Variants in HIRA observed in about 807,000 individuals in gnomAD.
The protein encoded by HIRA is protein HIRA.
In HIRA, 13 loss-of-function variants were observed where a neutral mutation model predicts 126.6. The observed-to-expected ratio is 0.10, with a 90% CI of 0.07 to 0.16. The LOEUF (loss-of-function observed/expected upper bound fraction) is 0.16, where lower values mean the gene tolerates loss of function less well. Among genes scored for constraint, HIRA ranks in the 10% least tolerant of loss-of-function variants. The pLI is 1.00. For missense variants in HIRA, 834 were observed against 1,314.4 expected, an observed-to-expected ratio of 0.63 and a Z score of 5.65; for synonymous variants, 511 against 520.0, an observed-to-expected ratio of 0.98 and a Z score of 0.24.
rs774645216 is a variant in HIRA, at chr22:19,385,688, C to T, written c.1162G>A (p.Glu388Lys). The T allele has an allele frequency of 3.1e-6, 5 of 1,614,012 alleles. No homozygotes were observed. Among genetic ancestry groups the T allele is most frequent in the Non-Finnish European group, 2.5e-6 (3 of 1,180,016 alleles). The stretch of plus-strand genomic sequence containing the variant: ...ATGACGGCTGTGGAGAGCTGGGCCT[C>T]GGTCATGATGGCTAGGCTCTTGCCA... ...TYGKSLAIMT[E>K]AQLSTAVIEN... Residue 388 changes from glutamate to lysine, a missense_variant, in exon 12 of 25, where the codon GAG becomes AAG. This residue lies in a region of HIRA where 153 missense variants were observed against 270.6 expected (regional missense o/e 0.57). Coordinates refer to ENST00000263208, the MANE Select transcript of HIRA (RefSeq NM_003325.4).
At chr22:19,417,163 G>T (rs1295532634) in intron 1 of HIRA, among the ~76,000 whole-genome samples, 1 of 152,078 alleles carries the variant, frequency 6.6e-6, no homozygotes, top group African/African-American at 2.4e-5. Flanking sequence ...TCGTGCCATT[G>T]CACTCCAGCC....
chr22:19,376,836 A>G (rs1313878000), intron 14 of HIRA, among the ~76,000 whole-genome samples: 4 of 152,204 alleles, frequency 2.6e-5, no homozygotes, highest in African/African-American at 9.6e-5. Context: ...CTGCAGTAAC[A>G]CAAGACTCCA....
chr22:19,420,443 G>A (rs1393756758), intron 1 of HIRA, among the ~76,000 whole-genome samples: 3 of 66,096 alleles, frequency 4.5e-5, no homozygotes, highest in Non-Finnish European at 7.2e-5. Context: ...TGCAGCCTGG[G>A]CAACAAAAAA....
chr22:19,403,024 G>A (rs983948234), intron 5 of HIRA, among the ~76,000 whole-genome samples: 5 of 148,576 alleles, frequency 3.4e-5, no homozygotes, highest in Admixed American at 2.7e-4. Flanking sequence ...GATCACCTGA[G>A]CCCAGGAGTT....
At chr22:19,428,123 G>A (rs968626932) in intron 1 of HIRA, among the ~76,000 whole-genome samples, 5 of 152,166 alleles carry the variant, frequency 3.3e-5, no homozygotes, top group African/African-American at 1.2e-4. Context: ...AGAGTTATAA[G>A]TCCAAGAATT....
At position 19,361,760 on chromosome 22, in the gene HIRA, G is replaced by A; in HGVS notation, c.1947C>T (p.Asp649=). Residue 649 remains aspartate (D), a synonymous_variant, in exon 16 of 25, where the codon GAC becomes GAT. Transcript: ENST00000263208. ...EKKKKGRPRK[D]SRLMPVSLSV... Reference sequence around the variant, plus strand: ...ACAGAGACACAGGCATGAGACGAGAGTCCTTCCGAGGCCGCCCTTTCTTCT... The same window carrying A: ...ACAGAGACACAGGCATGAGACGAGAATCCTTCCGAGGCCGCCCTTTCTTCT... 1.2e-6 allele frequency: 2 copies of A among 1,612,902 alleles called. No homozygotes were observed. The highest frequency in any genetic ancestry group is 1.7e-6 in the Non-Finnish European group (2 of 1,180,052).
intron 4 of HIRA, 49 bp downstream of exon 4, chr22:19,407,135 C>G (rs1296086560): frequency 2.0e-6 from 3 of 1,467,954 alleles, no homozygotes; most frequent in Non-Finnish European, 2.9e-6. Context: ...TAAAGACCAG[C>G]AAAGCAGCTT....
At chr22:19,417,735 TG>T (rs201221514) in intron 1 of HIRA, among the ~76,000 whole-genome samples, 2,862 of 152,336 alleles carry the variant, frequency 0.019, 48 homozygotes, top group Non-Finnish European at 0.031. Flanking sequence ...CCATATGACC[TG>T]GCAATTATAC....
intron 1 of HIRA, among the ~76,000 whole-genome samples, chr22:19,429,486 G>A (rs1014525147): frequency 6.6e-6 from 1 of 152,060 alleles, no homozygotes; most frequent in Admixed American, 6.6e-5. Context: ...TTAACAGTTT[G>A]GGGAGCATTT....
At chr22:19,387,472 G>A (rs1445022282) in intron 11 of HIRA, among the ~76,000 whole-genome samples, 1 of 152,188 alleles carries the variant, frequency 6.6e-6, no homozygotes, top group African/African-American at 2.4e-5. Flanking sequence ...CTCAAAAAGA[G>A]ATGCCTAAAA....
Position 19,398,004 on chromosome 22 carries a change from C to T in HIRA, c.481G>A (p.Val161Ile), listed in dbSNP as rs1601844259. 1.2e-6 allele frequency: 2 copies of T among 1,613,824 alleles called. No individual in the cohort carries two copies. Among genetic ancestry groups the T allele is most frequent in the Non-Finnish European group, 1.7e-6 (2 of 1,179,846 alleles). ...VDNTVVIWNA[V>I]KFPEILATLR... ...GGAGGCCCCAGACCTGGGAACTTTA[C>T]AGCATTCCAGATGACGACAGTGTTA... Residue 161 changes from valine to isoleucine, a missense_variant, in exon 6 of 25, where the codon GTA becomes ATA. Physicochemically the swap from Val to Ile is conservative, Grantham distance 29. Transcript: ENST00000263208.
In HIRA at chr22:19,405,805, G is replaced by A. The variant is rs763569767; in HGVS notation, c.378C>T (p.Ile126=). ...ACTCACCGCCTGAATGATTCCGGAG[G>A]ATAGAGACACACCGCCACTGCTCCA... ...ANVEQWRCVS[I]LRNHSGDVMD... is the part of the protein sequence containing the mutation. Residue 126 remains isoleucine, a synonymous_variant, in exon 5 of 25, where the codon ATC becomes ATT. Coordinates refer to ENST00000263208, the MANE Select transcript of HIRA (RefSeq NM_003325.4). 6 of 1,485,604 alleles carry A rather than the reference G, an allele frequency of 4.0e-6. No homozygotes were observed. In the South Asian group the frequency reaches 8.2e-5, roughly 20 times the overall value. 92.0% of individuals were successfully genotyped at this position (1,485,604 alleles called of 1,614,324 possible). A position where few individuals can be genotyped will look rare whatever the true frequency, so the allele number is the denominator to read the frequency against.
At chr22:19,334,268 C>T (rs1369020378) in intron 24 of HIRA, among the ~76,000 whole-genome samples, 4 of 151,578 alleles carry the variant, frequency 2.6e-5, no homozygotes, top group East Asian at 2.0e-4. Flanking sequence ...AGCCACTGCA[C>T]CCGGCCCTCA....
Position 19,431,428 on chromosome 22 carries a change from G to A in HIRA, c.37+12C>T. The stretch of plus-strand genomic sequence containing the variant: ...CCGGGCTCGGCCTCCCGCGACCCCT[G>A]CGCGCACTCACCATTGTGGTTGACC... On this transcript the variant is annotated intron_variant, in intron 1 of 24. Coordinates refer to ENST00000263208, the MANE Select transcript of HIRA (RefSeq NM_003325.4). The A allele has an allele frequency of 6.2e-7, 1 of 1,608,586 alleles. No individual in the cohort carries two copies. The highest frequency in any genetic ancestry group is 8.5e-7 in the Non-Finnish European group (1 of 1,178,686).
chr22:19,351,383 C>T lies in HIRA; in HGVS notation c.2912G>A (p.Gly971Glu), dbSNP rs1556010821. The change falls in exon 24 of 25, where the codon GGA (glycine) becomes GAA (glutamate). Residue 971 changes from glycine to glutamate, a missense_variant. Physicochemically the swap from Gly to Glu is moderately conservative, Grantham distance 98. Coordinates refer to ENST00000263208, the MANE Select transcript of HIRA (RefSeq NM_003325.4). The surrounding 1 kb of genome is among the most constrained non-coding windows in gnomAD (Gnocchi z 4.8). The stretch of plus-strand genomic sequence containing the variant: ...CACTACTGTTGACTCCCACTGGCTT[C>T]CAGTGGAGTAGTGAACCGGACCCAG... ...DLLGPVHYST[G>E]SQWESTVVGL... 6.2e-7 allele frequency: 1 copy of T among 1,613,300 alleles called. No homozygotes were observed. Among genetic ancestry groups the T allele is most frequent in the Admixed American group, 1.7e-5 (1 of 59,920 alleles).
At chr22:19,372,337 T>C (rs923883827) in intron 15 of HIRA, among the ~76,000 whole-genome samples, 11 of 152,232 alleles carry the variant, frequency 7.2e-5, no homozygotes, top group African/African-American at 2.4e-4. Flanking sequence ...TGATGGCTAA[T>C]GATGTTGATT....
intron 8 of HIRA, among the ~76,000 whole-genome samples, chr22:19,392,803 G>T (rs908899529): frequency 1.3e-5 from 2 of 152,180 alleles, no homozygotes; most frequent in Non-Finnish European, 2.9e-5. Flanking sequence ...GTGCTTGGTT[G>T]GCTGCTTAGT....
intron 6 of HIRA, 109 bp downstream of exon 6, chr22:19,397,883 C>T: frequency 1.5e-6 from 1 of 669,618 alleles, no homozygotes. Context: ...AATCCTAGGC[C>T]ACTGTGACAC....
Position 19,379,128 on chromosome 22 carries a change from C to T in HIRA, c.1416-1062G>A, listed in dbSNP as rs558208648. 5.3e-4 allele frequency among the ~76,000 whole-genome samples: 80 copies of T among 151,510 alleles called. No individual in the cohort carries two copies. The South Asian group carries it at 0.013, about 25-fold the overall frequency. ...CTGCAAGCTCCGCCTCCCGGGTTCA[C>T]GCCATTCTCCTGCCTCAGCCTCCCG... On this transcript the variant is annotated intron_variant, in intron 13 of 24. Coordinates refer to ENST00000263208, the MANE Select transcript of HIRA (RefSeq NM_003325.4).
Sources: gnomAD v4.1 joint callset for allele counts (sites outside exome capture counted in the v4.1 genomes callset) on GRCh38, gnomAD v4.1.1 for gene constraint, gnomAD v4.1.1 regional missense constraint, Gnocchi (gnomAD v3.1) non-coding constraint, MANE v1.5 for transcripts, NCBI Gene and HGNC (gene_info 2026-07-23, HGNC 2026-07-21) for gene names.